Variants in PCDH15 observed in about 807,000 individuals in gnomAD.
PCDH15 encodes the protein protocadherin related 15, also known as protocadherin-15.
A neutral mutation model predicts 178.5 loss-of-function variants in PCDH15; 129 were observed. The observed-to-expected ratio is 0.72, with a 90% CI of 0.63 to 0.84. The LOEUF is 0.84. PCDH15 is among the 40% of genes least tolerant of loss of function. The pLI is 0.00. For synonymous variants in PCDH15, 800 were observed against 732.0 expected (o/e 1.09, Z -1.50); for missense variants, 2,230 against 2,099.9 (o/e 1.06, Z -1.21).
intron 1 of PCDH15, among the ~76,000 whole-genome samples, chr10:55,238,601 C>T (rs1319435317): frequency 6.6e-6 from 1 of 152,228 alleles, no homozygotes; most frequent in East Asian, 1.9e-4. Flanking sequence ...AACAAGACCA[C>T]AAAAGTCTCA....
At chr10:55,436,226 C>T (rs1017916894) in intron 2 of PCDH15, among the ~76,000 whole-genome samples, 2 of 151,668 alleles carry the variant, frequency 1.3e-5, no homozygotes, top group African/African-American at 4.8e-5. Flanking sequence ...TTTAGAAGGC[C>T]CTGGATTTCC....
At chr10:54,260,566 G>A (rs1333947108) in intron 8 of PCDH15, among the ~76,000 whole-genome samples, 2 of 151,912 alleles carry the variant, frequency 1.3e-5, no homozygotes, top group Admixed American at 1.3e-4. Context: ...TCTCTGTGTT[G>A]ATTTTTATGC....
intron 3 of PCDH15, among the ~76,000 whole-genome samples, chr10:54,476,571 T>C (rs959221829): frequency 1.3e-5 from 2 of 152,104 alleles, no homozygotes; most frequent in African/African-American, 4.8e-5. Flanking sequence ...ATATAAAAGG[T>C]GTTTCTTTTA....
chr10:54,481,498 C>T (rs2078714601), intron 3 of PCDH15, among the ~76,000 whole-genome samples: 3 of 151,540 alleles, frequency 2.0e-5, no homozygotes, highest in Non-Finnish European at 3.0e-5. Flanking sequence ...TAAACATTCA[C>T]AATATTATTA....
chr10:54,870,618 T>C (rs1403850809), intron 3 of PCDH15, among the ~76,000 whole-genome samples: 1 of 151,742 alleles, frequency 6.6e-6, no homozygotes. Context: ...AACCCGTCTC[T>C]ACTAAAAATA....
chr10:55,017,728 T>C (rs972016192), intron 2 of PCDH15, among the ~76,000 whole-genome samples: 4 of 152,010 alleles, frequency 2.6e-5, no homozygotes, highest in Non-Finnish European at 4.4e-5. Context: ...AACTTTGACT[T>C]TGAGGGAATA....
intron 2 of PCDH15, among the ~76,000 whole-genome samples, chr10:54,642,005 T>A (rs954124396): frequency 1.3e-5 from 2 of 152,148 alleles, no homozygotes; most frequent in Admixed American, 1.3e-4. Flanking sequence ...TTTATTCATA[T>A]TGCTATAGTC....
chr10:55,168,467 A>T (rs1350728366), intron 1 of PCDH15, among the ~76,000 whole-genome samples: 1 of 152,238 alleles, frequency 6.6e-6, no homozygotes. Flanking sequence ...TCCTGACTGG[A>T]CATTAGCTCT....
chr10:55,554,330 G>GT (rs1046630261), intron 2 of PCDH15, among the ~76,000 whole-genome samples: 6 of 151,976 alleles, frequency 3.9e-5, no homozygotes, highest in African/African-American at 1.4e-4. Flanking sequence ...GTCTAGAAAG[G>GT]TTTTTTAAAT....
At chr10:54,984,249 A>AG in intron 2 of PCDH15, among the ~76,000 whole-genome samples, 2 of 152,198 alleles carry the variant, frequency 1.3e-5, no homozygotes, top group South Asian at 4.1e-4. Context: ...CCCACAAGTG[A>AG]GGGAAACCAA....
chr10:54,300,235 A>C (rs1405076579), intron 8 of PCDH15, among the ~76,000 whole-genome samples: 1 of 152,190 alleles, frequency 6.6e-6, no homozygotes, highest in Non-Finnish European at 1.5e-5. Flanking sequence ...CTGAAATCAA[A>C]CAATGCCTTT....
At position 53,822,022 on chromosome 10, in the gene PCDH15, G is replaced by A. The variant is rs1198625899; in HGVS notation, c.4368-1792C>T. The A allele has an allele frequency of 1.5e-5, 24 of 1,613,928 alleles. No individual in the cohort carries two copies. Among genetic ancestry groups the A allele is most frequent in the Non-Finnish European group, 2.0e-5 (24 of 1,179,906 alleles). ...GTGCGTAGATAGTTTTTTTCTATTTGACTGTACATGTTAGCTACTGATTTT... is the reference window on the plus strand; with the variant it reads ...GTGCGTAGATAGTTTTTTTCTATTTAACTGTACATGTTAGCTACTGATTTT... On this transcript the variant is annotated intron_variant, in intron 32 of 37. Coordinates refer to ENST00000644397, the MANE Select transcript of PCDH15 (RefSeq NM_001384140.1).
upstream of PCDH15, among the ~76,000 whole-genome samples, chr10:54,802,867 CAG>C (rs1447378482): frequency 1.3e-5 from 2 of 152,106 alleles, no homozygotes; most frequent in African/African-American, 4.8e-5. Flanking sequence ...AGCTAGAAAA[CAG>C]AAAATTTTAT....
At chr10:53,937,596 C>T (rs562065617) in intron 25 of PCDH15, among the ~76,000 whole-genome samples, 1 of 152,164 alleles carries the variant, frequency 6.6e-6, no homozygotes, top group East Asian at 1.9e-4. Context: ...TCAAAGACAC[C>T]TGTATAATCT....
chr10:55,174,354 C>A (rs1412615598), intron 1 of PCDH15, among the ~76,000 whole-genome samples: 1 of 152,108 alleles, frequency 6.6e-6, no homozygotes, highest in Non-Finnish European at 1.5e-5. Context: ...AATCCACGAC[C>A]AGAGTGAGAA....
rs115912387 is a variant in PCDH15, at chr10:55,367,451, C to T, written c.-155-200800G>A. On this transcript the variant is annotated intron_variant, in intron 2 of 5. Transcript: ENST00000613346. ...AAAAAGTTAGTTGGACATGGTGCTG[C>T]GTGCCTGGAGTCCCTGCTACTTGGG... Among the ~76,000 whole-genome samples, 828 of 152,024 alleles carry T rather than the reference C, an allele frequency of 5.4e-3. 11 individuals carry two copies. The highest frequency in any genetic ancestry group is 0.019 in the African/African-American group (778 of 41,488).
intron 2 of PCDH15, among the ~76,000 whole-genome samples, chr10:54,622,088 AGAAT>A (rs1245110427): frequency 6.6e-6 from 1 of 151,996 alleles, no homozygotes; most frequent in African/African-American, 2.4e-5. Flanking sequence ...ATATATAGTA[AGAAT>A]GAGAGTCTGT....
At chr10:54,894,129 C>T (rs1182558911) in intron 3 of PCDH15, among the ~76,000 whole-genome samples, 1 of 152,002 alleles carries the variant, frequency 6.6e-6, no homozygotes, top group Non-Finnish European at 1.5e-5. Context: ...TGTCTCTTGT[C>T]CCATAGAAAC....
intron 5 of PCDH15, among the ~76,000 whole-genome samples, chr10:54,356,924 A>C (rs990422527): frequency 2.6e-5 from 4 of 152,140 alleles, no homozygotes; most frequent in Non-Finnish European, 5.9e-5. Flanking sequence ...TGATTATCTC[A>C]ATAGATGCAG....
Sources: gnomAD v4.1 joint callset for allele counts (sites outside exome capture counted in the v4.1 genomes callset) on GRCh38, gnomAD v4.1.1 for gene constraint, MANE v1.5 for transcripts, NCBI Gene and HGNC (gene_info 2026-07-23, HGNC 2026-07-21) for gene names.